The following GSE1 variants were observed in gnomAD, a reference collection of about 807,000 sequenced individuals.
GSE1 encodes the protein genetic suppressor element 1.
A neutral mutation model predicts 112.6 loss-of-function variants in GSE1; 32 were observed. The observed-to-expected ratio is 0.28, with a 90% CI of 0.21 to 0.38. The LOEUF is 0.38. Ranked by LOEUF, GSE1 falls within the 10% of genes least tolerant of loss-of-function variation. GSE1 has a pLI of 1.00. For missense variants in GSE1, 2,348 were observed against 1,699.2 expected (o/e 1.38, Z -6.71); for synonymous variants, 1,115 against 735.6 (o/e 1.52, Z -8.35).
At chr16:85,270,215 C>T (rs1253478476) in intron 1 of GSE1, among the ~76,000 whole-genome samples, 1 of 148,994 alleles carries the variant, frequency 6.7e-6, no homozygotes, top group Non-Finnish European at 1.5e-5. Flanking sequence ...GGGGCTCCCA[C>T]CTGCCACAGC....
intron 2 of GSE1, among the ~76,000 whole-genome samples, chr16:85,418,285 ACAGAGGTGGGGCTGAAAGGTC>A (rs1260898706): frequency 6.6e-6 from 1 of 152,210 alleles, no homozygotes; most frequent in African/African-American, 2.4e-5. Flanking sequence ...ATGCAAAGTC[ACAGAGGTGGGGCTGAAAGGTC>A]CAACCTCCAA....
At chr16:85,279,617 A>G (rs72807750) in intron 1 of GSE1, among the ~76,000 whole-genome samples, 82 of 152,064 alleles carry the variant, frequency 5.4e-4, no homozygotes, top group African/African-American at 1.7e-3. Context: ...CAGTCAGTCA[A>G]TCAATCAATC....
At chr16:85,500,974 C>A (rs912658628) in intron 2 of GSE1, among the ~76,000 whole-genome samples, 2 of 148,872 alleles carry the variant, frequency 1.3e-5, no homozygotes, top group Non-Finnish European at 2.9e-5. Context: ...TAAAGGCCCA[C>A]CCTACTCCAG....
At chr16:85,207,505 G>C (rs1299427843) in intron 1 of GSE1, among the ~76,000 whole-genome samples, 3 of 152,240 alleles carry the variant, frequency 2.0e-5, no homozygotes, top group Non-Finnish European at 4.4e-5. Context: ...TTCCCCTGCT[G>C]GGGGTGACTG....
chr16:85,216,160 C>T (rs777616442), intron 1 of GSE1, among the ~76,000 whole-genome samples: 10 of 152,220 alleles, frequency 6.6e-5, no homozygotes, highest in Non-Finnish European at 1.3e-4. Context: ...ACCATCATTC[C>T]GACCCCTTAA....
chr16:85,291,633 G>A (rs1026724466), intron 1 of GSE1, among the ~76,000 whole-genome samples: 3 of 152,156 alleles, frequency 2.0e-5, no homozygotes, highest in Non-Finnish European at 2.9e-5. Context: ...GCCCTTTTCC[G>A]CCCGGCCAGC....
chr16:85,312,256 C>G (rs1024704693), intron 1 of GSE1, among the ~76,000 whole-genome samples: 1 of 148,006 alleles, frequency 6.8e-6, no homozygotes, highest in Non-Finnish European at 1.5e-5. Flanking sequence ...ACTGAGTGCC[C>G]TTAGGCTGAT....
chr16:85,356,667 A>AT lies in GSE1; in HGVS notation c.2284-791dup, dbSNP rs200691832. ...GTCCATTTTTTAAATTTGTTTATTT[A>AT]TTTTTGTAAAGATGGGGTCTCCCTA... On this transcript the variant is annotated intron_variant, in intron 1 of 2. Coordinates refer to the GSE1 transcript ENST00000637419. Among the ~76,000 whole-genome samples the AT allele has an allele frequency of 6.5e-3, 997 of 152,226 alleles. 15 individuals are homozygous for AT. Among genetic ancestry groups the AT allele is most frequent in the African/African-American group, 0.022 (933 of 41,542 alleles).
chr16:85,518,455 C>A (rs1054183144), intron 2 of GSE1, among the ~76,000 whole-genome samples: 1 of 152,008 alleles, frequency 6.6e-6, no homozygotes, highest in African/African-American at 2.4e-5. Flanking sequence ...CAGAGGAAAC[C>A]GAGGCGCAGA....
At chr16:85,530,788 T>C (rs1027028129) in intron 2 of GSE1, among the ~76,000 whole-genome samples, 39 of 152,220 alleles carry the variant, frequency 2.6e-4, no homozygotes, top group African/African-American at 9.4e-4. Context: ...TCTGAGATAG[T>C]TGGGTGTCAT....
At position 85,299,935 on chromosome 16, in the gene GSE1, CA is replaced by C. The variant is rs35622442; in HGVS notation, c.2284-57512del. 6.5e-3 allele frequency among the ~76,000 whole-genome samples: 547 copies of C among 84,196 alleles called. 3 individuals are homozygous for C. The highest frequency in any genetic ancestry group is 0.013 in the African/African-American group (369 of 28,434). 55.2% of individuals were successfully genotyped at this position (84,196 alleles called of 152,430 possible). A position where few individuals can be genotyped will look rare whatever the true frequency, so the allele number is the denominator to read the frequency against. On this transcript the variant is annotated intron_variant, in intron 1 of 2. Coordinates refer to the GSE1 transcript ENST00000637419. ...TGGGTGACAGAGTGAGACCCTGTCT[CA>C]AAAAAAAAAAAAAAACAACCCAACA... is the stretch of plus-strand genomic sequence containing the variant.
exon 2 of GSE1, chr16:85,357,633 T>C: frequency 1.6e-6 from 2 of 1,288,610 alleles, no homozygotes; most frequent in Non-Finnish European, 2.0e-6. Flanking sequence ...GACCAGACCT[T>C]ACTGGTGCAG....
chr16:85,362,828 T>G (rs944717746), intron 2 of GSE1, among the ~76,000 whole-genome samples: 3 of 144,428 alleles, frequency 2.1e-5, no homozygotes, highest in African/African-American at 7.7e-5. Flanking sequence ...TGGTTATTGA[T>G]ATCTTTTTTT....
rs1226170091 is a variant in GSE1 at position 85,668,178 on chromosome 16, G to T, written c.3169G>T (p.Val1057Phe). The change falls in exon 14 of 16, where the codon GTT becomes TTT. Residue 1057 changes from valine to phenylalanine, a missense_variant. Coordinates refer to ENST00000253458, the MANE Select transcript of GSE1 (RefSeq NM_014615.5). ...AVLSAEQNHK[V>F]DTSVHYNIPE... ...GCTGTCTGCAGAGCAGAACCACAAG[G>T]TTGACACGTCCGTCCACTACAACAT... 4.4e-6 allele frequency: 7 copies of T among 1,607,286 alleles called. No individual in the cohort carries two copies. Among genetic ancestry groups the T allele is most frequent in the Middle Eastern group, 1.7e-4 (1 of 5,934 alleles).
rs375060429 is a variant in GSE1, at chr16:85,633,924, T to C, written c.18T>C (p.His6=). 6.2e-7 allele frequency: 1 copy of C among 1,610,614 alleles called. No homozygotes were observed. Among genetic ancestry groups the C allele is most frequent in the Non-Finnish European group, 8.5e-7 (1 of 1,178,704 alleles). ...CTTTTCCTGTTTCAGGCATGAGCCA[T>C]GAGCCCAAGTCCCCTTCGCTAGGGA... MKGMS[H]EPKSPSLGML... The change falls in exon 2 of 16, where the codon CAT becomes CAC. Residue 6 remains histidine (H), a synonymous_variant. Coordinates refer to ENST00000253458, the MANE Select transcript of GSE1 (RefSeq NM_014615.5).
chr16:85,244,875 C>G (rs536062918), intron 1 of GSE1, among the ~76,000 whole-genome samples: 1 of 151,422 alleles, frequency 6.6e-6, no homozygotes, highest in African/African-American at 2.4e-5. Flanking sequence ...CCTGTAGTCC[C>G]AGCTACTCAA....
chr16:85,577,016 C>T (rs2046254754), intron 1 of GSE1, among the ~76,000 whole-genome samples: 1 of 152,198 alleles, frequency 6.6e-6, no homozygotes, highest in Admixed American at 6.5e-5. Flanking sequence ...CGCTGAGGTC[C>T]TGGAGGTGAG....
rs137965656 is a variant in GSE1, at chr16:85,664,259, C to T, written c.2644+645C>T. Among the ~76,000 whole-genome samples the T allele has an allele frequency of 4.0e-3, 617 of 152,346 alleles. 5 individuals are homozygous for T. Among genetic ancestry groups the T allele is most frequent in the Non-Finnish European group, 6.0e-3 (410 of 68,022 alleles). ...TTGACGTTCCTGGCCCTGCCCCTTA[C>T]GCACGCTTTCAAGTCCTCGTGGGCC... On this transcript the variant is annotated intron_variant, in intron 11 of 15. Transcript: ENST00000253458.
chr16:85,390,646 A>G lies in GSE1; in HGVS notation c.2464+33003A>G, dbSNP rs111666483. Reference sequence around the variant, plus strand: ...CTGTGCGGATATTTTAAATGGGGTGAGCTTGGACGCTAGTGTTCCCGTACC... The same window carrying G: ...CTGTGCGGATATTTTAAATGGGGTGGGCTTGGACGCTAGTGTTCCCGTACC... On this transcript the variant is annotated intron_variant, in intron 2 of 2. Transcript: ENST00000637419. Among the ~76,000 whole-genome samples the G allele has an allele frequency of 8.4e-4, 128 of 151,822 alleles. No individual in the cohort carries two copies. In the Middle Eastern group the frequency reaches 0.01, roughly 12 times the overall value.
Sources: gnomAD v4.1 joint callset for allele counts (sites outside exome capture counted in the v4.1 genomes callset) on GRCh38, gnomAD v4.1.1 for gene constraint, MANE v1.5 for transcripts, NCBI Gene and HGNC (gene_info 2026-07-23, HGNC 2026-07-21) for gene names.